The following HNF4G variants were observed in gnomAD, a reference collection of about 807,000 sequenced individuals.
The protein encoded by HNF4G is hepatocyte nuclear factor 4-gamma.
HNF4G carries 21 observed loss-of-function variants against 50.9 expected under a neutral mutation model. The ratio of observed to expected loss-of-function variants is 0.41; its 90% CI spans 0.29 to 0.59. The LOEUF (loss-of-function observed/expected upper bound fraction) is 0.59. Ranked by LOEUF, HNF4G falls within the 20% of genes least tolerant of loss-of-function variation. The probability of loss-of-function intolerance (pLI) is 0.26; values close to 1 mark genes in which losing one functional copy is unlikely to be tolerated. For missense variants in HNF4G, 527 were observed against 559.4 expected (o/e 0.94, Z 0.58); for synonymous variants, 198 against 185.6 (o/e 1.07, Z -0.54).
At chr8:75,445,584 A>C (rs1444554925) in intron 1 of HNF4G, among the ~76,000 whole-genome samples, 4 of 79,530 alleles carry the variant, frequency 5.0e-5, no homozygotes, top group African/African-American at 2.5e-4. Flanking sequence ...ACAATAAAAA[A>C]TGATAAAGGG....
chr8:75,515,501 A>G (rs1805865075), intron 2 of HNF4G, among the ~76,000 whole-genome samples: 2 of 152,228 alleles, frequency 1.3e-5, no homozygotes, highest in Admixed American at 6.5e-5. Flanking sequence ...CACATCCACA[A>G]ACTGAAGACT....
chr8:75,429,980 T>G lies in HNF4G; in HGVS notation c.-144+21818T>G, dbSNP rs1810970271. ...TCCTGGCTAACACAGTGAAACCTCG[T>G]CTCTACTAAAAATATAAAAAATTAG... On this transcript the variant is annotated intron_variant, in intron 1 of 10. Coordinates refer to the HNF4G transcript ENST00000354370. 2.6e-5 allele frequency among the ~76,000 whole-genome samples: 4 copies of G among 151,762 alleles called. No homozygotes were observed. In the South Asian group the frequency reaches 8.3e-4, roughly 31 times the overall value.
intron 2 of HNF4G, among the ~76,000 whole-genome samples, chr8:75,494,539 G>C (rs1476713197): frequency 6.6e-6 from 1 of 151,946 alleles, no homozygotes; most frequent in Admixed American, 6.6e-5. Flanking sequence ...TGTTTTTATT[G>C]AACGTAATAA....
In HNF4G at chr8:75,543,945, C is replaced by T. The variant is rs772036366; in HGVS notation, c.253C>T (p.Arg85Cys). 3 of 1,601,020 alleles carry T rather than the reference C, an allele frequency of 1.9e-6. No homozygotes were observed. Among genetic ancestry groups the T allele is most frequent in the East Asian group, 2.3e-5 (1 of 44,434 alleles). ...TGATGGGTGCAAGGGTTTCTTCAGA[C>T]GCAGCATTCGTAAGAGTCACGTTTA... ...SCDGCKGFFRRSIRKSHVYSC... is the reference protein window; with the variant it reads ...SCDGCKGFFRCSIRKSHVYSC... Residue 85 changes from arginine (R) to cysteine (C), a missense_variant, in exon 2 of 10, where the codon CGC (arginine) becomes TGC (cysteine). Physicochemically the swap from Arg to Cys is radical, Grantham distance 180 (BLOSUM62 -3). Around this residue, in one of 5 missense-constraint regions of HNF4G, gnomAD observed 3 missense variants for 17.4 expected, o/e 0.17. Coordinates refer to ENST00000396423, the MANE Select transcript of HNF4G (RefSeq NM_004133.5).
chr8:75,466,736 C>T (rs1234149247), intron 1 of HNF4G, among the ~76,000 whole-genome samples: 2 of 149,578 alleles, frequency 1.3e-5, no homozygotes, highest in African/African-American at 4.9e-5. Flanking sequence ...CTCTGTCACC[C>T]AGGCTGAGTG....
At chr8:75,410,302 C>A (rs920140096) in intron 1 of HNF4G, among the ~76,000 whole-genome samples, 1 of 152,074 alleles carries the variant, frequency 6.6e-6, no homozygotes, top group Non-Finnish European at 1.5e-5. Flanking sequence ...ATTTCTTGTA[C>A]CATGCTTGCC....
chr8:75,494,299 AGCACACACACACACAC>A (rs1234061065), intron 2 of HNF4G, among the ~76,000 whole-genome samples: 1,488 of 137,132 alleles, frequency 0.011, 12 homozygotes, highest in African/African-American at 0.028. Context: ...TCTCCCATAC[AGCACACACACACACAC>A]ACACACACAC....
intron 1 of HNF4G, among the ~76,000 whole-genome samples, chr8:75,479,146 C>T (rs770661097): frequency 1.3e-5 from 2 of 152,202 alleles, no homozygotes; most frequent in African/African-American, 2.4e-5. Context: ...CCTGACCAAA[C>T]TACTACCCTT....
At chr8:75,440,091 A>G (rs1406207875) in intron 1 of HNF4G, among the ~76,000 whole-genome samples, 1 of 152,164 alleles carries the variant, frequency 6.6e-6, no homozygotes, top group African/African-American at 2.4e-5. Context: ...TATTATGTCA[A>G]TGCAATCCTT....
At chr8:75,440,504 A>T (rs1298062981) in intron 1 of HNF4G, among the ~76,000 whole-genome samples, 1 of 152,236 alleles carries the variant, frequency 6.6e-6, no homozygotes, top group Non-Finnish European at 1.5e-5. Flanking sequence ...ATAGTTTCAC[A>T]GATTGCCAGC....
intron 1 of HNF4G, among the ~76,000 whole-genome samples, chr8:75,483,254 A>C (rs919100714): frequency 1.3e-5 from 2 of 151,002 alleles, no homozygotes; most frequent in Admixed American, 1.3e-4. Context: ...AAGTCACTTA[A>C]TTTTTTTTTT....
intron 2 of HNF4G, among the ~76,000 whole-genome samples, chr8:75,510,853 C>A (rs1805732601): frequency 6.6e-6 from 1 of 152,006 alleles, no homozygotes. Flanking sequence ...TGGTTGGATT[C>A]TATGTAATTA....
intron 9 of HNF4G, 152 bp from the exon 10 acceptor site, chr8:75,563,823 G>T: frequency 1.3e-6 from 1 of 757,750 alleles, no homozygotes; most frequent in Non-Finnish European, 2.0e-6. Context: ...TACGTCATGG[G>T]CCAATAATGC....
In HNF4G at chr8:75,552,893, CAAT is replaced by C. The variant is rs1400727645; in HGVS notation, c.490-148_490-146del. ...CAATTTAAATCAGTATTTCATTTTT[CAAT>C]TTAAAATGTTTAGTATTTGTCAAGA... is the stretch of plus-strand genomic sequence containing the variant. On this transcript the variant is annotated intron_variant, in intron 4 of 9. Transcript: ENST00000396423. 7.7e-6 allele frequency: 4 copies of C among 521,922 alleles called. No homozygotes were observed. The African/African-American group carries it at 7.8e-5, about 10-fold the overall frequency. The allele number at this position is 521,922 out of a possible 1,614,324, so 32.3% of individuals were successfully genotyped here. A position where few individuals can be genotyped will look rare whatever the true frequency, so the allele number is the denominator to read the frequency against.
intron 1 of HNF4G, among the ~76,000 whole-genome samples, chr8:75,422,136 A>G (rs1256360099): frequency 2.0e-5 from 3 of 152,072 alleles, no homozygotes; most frequent in African/African-American, 4.8e-5. Context: ...ATATCTTACT[A>G]CTTATGCTGT....
intron 1 of HNF4G, among the ~76,000 whole-genome samples, chr8:75,419,452 C>CTTTTT (rs1810728269): frequency 1.3e-5 from 2 of 152,126 alleles, no homozygotes; most frequent in Non-Finnish European, 2.9e-5. Flanking sequence ...AGCAAAGCAC[C>CTTTTT]CTTCATGCTG....
At chr8:75,554,120 C>A (rs1337724790) in intron 5 of HNF4G, among the ~76,000 whole-genome samples, 2 of 152,024 alleles carry the variant, frequency 1.3e-5, no homozygotes, top group Admixed American at 1.3e-4. Flanking sequence ...TGAAATAATT[C>A]TTAAAATGCT....
At chr8:75,491,560 T>C (rs1812629903) in intron 2 of HNF4G, among the ~76,000 whole-genome samples, 1 of 152,018 alleles carries the variant, frequency 6.6e-6, no homozygotes, top group South Asian at 2.1e-4. Context: ...CTGCAACCTC[T>C]GCCTCCTGGG....
chr8:75,555,937 A>G (rs144672591), intron 5 of HNF4G, 45 bp from the exon 6 acceptor site: 36 of 1,044,292 alleles, frequency 3.4e-5, no homozygotes, highest in African/African-American at 3.1e-4. Context: ...TCTTTTAATC[A>G]TTATATATTA....
Sources: gnomAD v4.1 joint callset for allele counts (sites outside exome capture counted in the v4.1 genomes callset) on GRCh38, gnomAD v4.1.1 for gene constraint, gnomAD v4.1.1 regional missense constraint, MANE v1.5 for transcripts, NCBI Gene and HGNC (gene_info 2026-07-23, HGNC 2026-07-21) for gene names.